MCC: variants seen among roughly 807,000 people sequenced by gnomAD.
MCC encodes the protein colorectal mutant cancer protein.
MCC carries 90 observed loss-of-function variants against 116.2 expected under a neutral mutation model. The observed-to-expected ratio is 0.77, with a 90% confidence interval of 0.65 to 0.92. The LOEUF is 0.92. Among genes scored for constraint, MCC ranks in the 40% least tolerant of loss-of-function variants. MCC has a pLI of 0.00. For missense variants in MCC, 1,516 were observed against 1,312.2 expected, an observed-to-expected ratio of 1.16 and a Z score of -2.40; for synonymous variants, 578 against 510.5, an observed-to-expected ratio of 1.13 and a Z score of -1.78.
At chr5:113,158,987 C>A (rs948614751) in intron 3 of MCC, among the ~76,000 whole-genome samples, 2 of 152,014 alleles carry the variant, frequency 1.3e-5, no homozygotes, top group African/African-American at 2.4e-5. Context: ...ACAGGCAGGG[C>A]TGAAGACATG....
chr5:113,251,834 T>C (rs567775012), intron 3 of MCC, among the ~76,000 whole-genome samples: 4 of 152,270 alleles, frequency 2.6e-5, no homozygotes, highest in Middle Eastern at 3.4e-3. Flanking sequence ...ATGATGCATA[T>C]TCAACGACGC....
At chr5:113,485,788 G>A (rs954063234) in intron 1 of MCC, among the ~76,000 whole-genome samples, 2 of 152,196 alleles carry the variant, frequency 1.3e-5, no homozygotes, top group Non-Finnish European at 2.9e-5. Context: ...TTAGGTTACT[G>A]TGATGACATA....
At chr5:113,385,560 G>A (rs1769234563) in intron 1 of MCC, among the ~76,000 whole-genome samples, 1 of 152,134 alleles carries the variant, frequency 6.6e-6, no homozygotes, top group Non-Finnish European at 1.5e-5. Flanking sequence ...CTCACTGTAA[G>A]ATAAAGTTTC....
intron 1 of MCC, among the ~76,000 whole-genome samples, chr5:113,393,611 A>G (rs915643135): frequency 2.0e-4 from 30 of 152,348 alleles, no homozygotes; most frequent in African/African-American, 7.2e-4. Flanking sequence ...CATCAGATTT[A>G]TAGTCCCACT....
At chr5:113,479,770 G>C (rs1396934690) in intron 1 of MCC, among the ~76,000 whole-genome samples, 1 of 151,864 alleles carries the variant, frequency 6.6e-6, no homozygotes, top group Non-Finnish European at 1.5e-5. Context: ...CTCCCACTTA[G>C]GTTCAGATTA....
At chr5:113,063,905 T>G in intron 14 of MCC, 79 bp downstream of exon 14, 3 of 1,452,028 alleles carry the variant, frequency 2.1e-6, no homozygotes. Context: ...CCCCAAGAGC[T>G]GGGTCACTGC....
chr5:113,277,836 G>A (rs1428323800), intron 3 of MCC, among the ~76,000 whole-genome samples: 1 of 152,182 alleles, frequency 6.6e-6, no homozygotes, highest in African/African-American at 2.4e-5. Context: ...TGCATTGTGA[G>A]TGAACAGCCA....
chr5:113,031,275 G>C (rs766720425), intron 17 of MCC, among the ~76,000 whole-genome samples: 1 of 152,190 alleles, frequency 6.6e-6, no homozygotes, highest in Non-Finnish European at 1.5e-5. Context: ...TGGAAGGAGC[G>C]TGTGTTTTTC....
chr5:113,028,450 A>T (rs1750731144), intron 18 of MCC, among the ~76,000 whole-genome samples: 1 of 152,236 alleles, frequency 6.6e-6, no homozygotes, highest in South Asian at 2.1e-4. Flanking sequence ...TAACATGAGA[A>T]GTATCAATAA....
Position 113,055,962 on chromosome 5 carries a change from C to T in MCC, c.2214-2003G>A, listed in dbSNP as rs534141611. On this transcript the variant is annotated intron_variant, in intron 14 of 18. Coordinates refer to ENST00000408903, the MANE Select transcript of MCC (RefSeq NM_001085377.2). Reference sequence around the variant, plus strand: ...TGGCAACATCAACTCTTCCCTGGGTCTCTAGCCTGACCTGCAGACTTCAGA... The same window carrying T: ...TGGCAACATCAACTCTTCCCTGGGTTTCTAGCCTGACCTGCAGACTTCAGA... 2.0e-5 allele frequency among the ~76,000 whole-genome samples: 3 copies of T among 152,330 alleles called. No individual in the cohort carries two copies. The East Asian group carries it at 5.8e-4, about 29-fold the overall frequency.
chr5:113,214,951 C>T (rs1763255865), intron 3 of MCC, among the ~76,000 whole-genome samples: 2 of 152,196 alleles, frequency 1.3e-5, no homozygotes, highest in South Asian at 4.1e-4. Context: ...TGAGGCTGAA[C>T]CTCCAAATCC....
chr5:113,094,758 G>C (rs889250746), intron 8 of MCC, among the ~76,000 whole-genome samples: 4 of 152,282 alleles, frequency 2.6e-5, no homozygotes, highest in African/African-American at 4.8e-5. Flanking sequence ...GACAAATTGA[G>C]TCAGCTTCTT....
chr5:113,282,223 G>A (rs567665775), intron 3 of MCC, among the ~76,000 whole-genome samples: 1 of 152,320 alleles, frequency 6.6e-6, no homozygotes, highest in South Asian at 2.1e-4. Flanking sequence ...CCAAAAAACA[G>A]AGGCCTTTCC....
chr5:113,465,828 G>A (rs1322899747), intron 1 of MCC, among the ~76,000 whole-genome samples: 1 of 152,164 alleles, frequency 6.6e-6, no homozygotes, highest in African/African-American at 2.4e-5. Flanking sequence ...GTTAGATGAT[G>A]GAGATTTAGA....
chr5:113,235,089 T>C (rs1049450035), intron 3 of MCC, among the ~76,000 whole-genome samples: 1 of 152,212 alleles, frequency 6.6e-6, no homozygotes, highest in Non-Finnish European at 1.5e-5. Flanking sequence ...TGGAATTGTT[T>C]GAGTGAGCTG....
intron 3 of MCC, among the ~76,000 whole-genome samples, chr5:113,188,582 C>A (rs932654259): frequency 2.0e-5 from 3 of 152,170 alleles, no homozygotes; most frequent in African/African-American, 7.2e-5. Context: ...AAGGGAAAAT[C>A]ATGGTTGAGG....
intron 3 of MCC, among the ~76,000 whole-genome samples, chr5:113,261,264 A>C (rs193051238): frequency 2.0e-5 from 3 of 152,298 alleles, no homozygotes; most frequent in Non-Finnish European, 4.4e-5. Flanking sequence ...TGAATATCTC[A>C]TGTTATTTAC....
chr5:113,301,911 T>A (rs778585696), intron 3 of MCC, among the ~76,000 whole-genome samples: 1 of 152,202 alleles, frequency 6.6e-6, no homozygotes, highest in African/African-American at 2.4e-5. Flanking sequence ...ACTGTGTGCA[T>A]GAAGATGCCA....
intron 1 of MCC, among the ~76,000 whole-genome samples, chr5:113,470,972 C>T (rs1222734752): frequency 3.9e-5 from 6 of 152,172 alleles, no homozygotes; most frequent in Middle Eastern, 3.2e-3. Context: ...TTGATTGCAT[C>T]GGCTACTAAG....
Sources: allele counts gnomAD v4.1 joint callset (sites outside exome capture counted in the v4.1 genomes callset), GRCh38; gene constraint gnomAD v4.1.1; transcripts MANE v1.5; gene names NCBI Gene and HGNC (gene_info 2026-07-23, HGNC 2026-07-21).